PTCH1: variants seen among roughly 807,000 people sequenced by gnomAD.
PTCH1 encodes patched 1, also known as protein patched homolog 1.
In PTCH1, 14 loss-of-function variants were observed where a neutral mutation model predicts 144.6. That is an observed-to-expected ratio of 0.10 (90% CI 0.06 to 0.15). PTCH1 has a LOEUF of 0.15. PTCH1 is among the 10% of genes least tolerant of loss of function. The pLI is 1.00. For synonymous variants in PTCH1, 833 were observed against 793.6 expected, an observed-to-expected ratio of 1.05 and a Z score of -0.83; for missense variants, 1,623 against 1,948.3, an observed-to-expected ratio of 0.83 and a Z score of 3.14.
At chr9:95,501,987 T>C (rs1035811190) in intron 2 of PTCH1, among the ~76,000 whole-genome samples, 7 of 152,218 alleles carry the variant, frequency 4.6e-5, no homozygotes, top group East Asian at 1.9e-4. Context: ...GGATGGCTAG[T>C]AGGAAGAGCT....
At position 95,516,536 on chromosome 9, in the gene PTCH1, A is replaced by G; in HGVS notation, c.-65T>C. 2.0e-6 allele frequency: 3 copies of G among 1,538,376 alleles called. No individual in the cohort carries two copies. In the South Asian group the frequency reaches 3.7e-5, roughly 19 times the overall value. ...GGCGCGGACGCTGGGCTTGGATTTC[A>G]CATCAATTCCTTTTTTTTCCCTGGC... On this transcript the variant is annotated 5_prime_UTR_variant, in exon 1 of 23. Coordinates refer to the PTCH1 transcript ENST00000430669.
chr9:95,453,719 T>A, intron 19 of PTCH1, 99 bp from the exon 20 acceptor site: 3 of 1,514,068 alleles, frequency 2.0e-6, no homozygotes, highest in South Asian at 1.2e-5. Flanking sequence ...ACTGCTCACA[T>A]CTTACTGTTT....
chr9:95,471,057 T>C (rs908292711), intron 12 of PTCH1, among the ~76,000 whole-genome samples: 9 of 150,908 alleles, frequency 6.0e-5, no homozygotes, highest in Non-Finnish European at 1.3e-4. Flanking sequence ...CACTCCAGCC[T>C]GGGTGACAGA....
In PTCH1 at chr9:95,449,667, G is replaced by A. The variant is rs1838281057; in HGVS notation, c.3549+174C>T. On this transcript the variant is annotated intron_variant, in intron 21 of 23. Transcript: ENST00000331920. This position sits in a 1 kb window ranked among gnomAD's most constrained non-coding sequence, Gnocchi z 5.3. ...GATTTAGAGGAACCAAACCGAACCC[G>A]CCCTCTAGCCCTCAAAGCCAGTACA... 9.5e-6 allele frequency: 7 copies of A among 733,098 alleles called. No homozygotes were observed. The highest frequency in any genetic ancestry group is 9.3e-5 in the Admixed American group (4 of 43,048). The allele number at this position is 733,098 out of a possible 1,614,324, so 45.4% of individuals were successfully genotyped here.
rs183919191 is a variant in PTCH1 at position 95,503,405 on chromosome 9, G to A, written c.394+3002C>T. ...CTGACGTGAACACTCAGCTCACTCT[G>A]TCACAAACAAGATCTCTACACAATC... is the stretch of plus-strand genomic sequence containing the variant. On this transcript the variant is annotated intron_variant, in intron 2 of 23. Transcript: ENST00000331920. 390 of 152,048 alleles carry A rather than the reference G, an allele frequency of 2.6e-3. 1 individual carries two copies. The highest frequency in any genetic ancestry group is 8.7e-3 in the African/African-American group (363 of 41,488). The allele number at this position is 152,048 out of a possible 1,614,324, so 9.4% of individuals were successfully genotyped here.
chr9:95,513,198 A>G (rs1291528402), upstream of PTCH1, among the ~76,000 whole-genome samples: 1 of 152,218 alleles, frequency 6.6e-6, no homozygotes, highest in Non-Finnish European at 1.5e-5. Context: ...GACTTGGTGG[A>G]GTTATGAAAA....
rs974463783 is a variant in PTCH1 at position 95,449,541 on chromosome 9, G to A, written c.3550-218C>T. The A allele has an allele frequency of 1.0e-5, 7 of 673,446 alleles. No individual in the cohort carries two copies. Among genetic ancestry groups the A allele is most frequent in the Non-Finnish European group, 2.5e-6 (1 of 398,352 alleles). The allele number at this position is 673,446 out of a possible 1,614,324, so 41.7% of individuals were successfully genotyped here. A position where few individuals can be genotyped will look rare whatever the true frequency, so the allele number is the denominator to read the frequency against. On this transcript the variant is annotated intron_variant, in intron 21 of 23. Transcript: ENST00000331920. This position sits in a 1 kb window ranked among gnomAD's most constrained non-coding sequence, Gnocchi z 5.3. ...CCTCTGCTCCACACTGGAAAGGCAG[G>A]ATGTGTACTTTTTACTCTTGTGAAG...
At position 95,446,925 on chromosome 9, in the gene PTCH1, C is replaced by T. The variant is rs1347860599; in HGVS notation, c.4331G>A (p.Ser1444Asn). The T allele has an allele frequency of 6.2e-7, 1 of 1,614,064 alleles. No individual in the cohort carries two copies. The highest frequency in any genetic ancestry group is 8.5e-7 in the Non-Finnish European group (1 of 1,180,032). The stretch of plus-strand genomic sequence containing the variant: ...GTGGCACTCACCTCAGTTGGAGCTG[C>T]TTCCCCGGGGCCTCTCCTCGCATTC... ...DVECEERPRG[S>N]SSN Residue 1444 changes from serine to asparagine, a missense_variant, in exon 23 of 24, where the codon AGC (serine) becomes AAC (asparagine). Physicochemically the swap from Ser to Asn is conservative, Grantham distance 46. This residue lies in a region of PTCH1 where 291 missense variants were observed against 287.4 expected (regional missense o/e 1.01). Coordinates refer to ENST00000331920, the MANE Select transcript of PTCH1 (RefSeq NM_000264.5).
chr9:95,473,693 A>C (rs1216145644), intron 12 of PTCH1, among the ~76,000 whole-genome samples: 2 of 151,964 alleles, frequency 1.3e-5, no homozygotes, highest in Non-Finnish European at 2.9e-5. Flanking sequence ...TACAGGCGTG[A>C]GCCACCGCGC....
intron 2 of PTCH1, among the ~76,000 whole-genome samples, chr9:95,488,355 T>C (rs1842130223): frequency 6.6e-6 from 1 of 152,210 alleles, no homozygotes; most frequent in African/African-American, 2.4e-5. Context: ...ACTAAGACTA[T>C]CATGATAGGG....
chr9:95,487,448 C>G (rs534399621), intron 2 of PTCH1, among the ~76,000 whole-genome samples: 1 of 152,360 alleles, frequency 6.6e-6, no homozygotes, highest in South Asian at 2.1e-4. Context: ...CATCTACCTA[C>G]TCGGCTGGCC....
At chr9:95,511,065 G>A (rs1249362344), upstream of PTCH1, among the ~76,000 whole-genome samples, 1 of 149,884 alleles carries the variant, frequency 6.7e-6, no homozygotes, top group East Asian at 1.9e-4. Context: ...CAATGCCCGC[G>A]CCGCCTCCCC....
At chr9:95,516,457 G>A in intron 1 of PTCH1, 1 of 1,463,262 alleles carries the variant, frequency 6.8e-7, no homozygotes, top group Non-Finnish European at 9.0e-7. Flanking sequence ...CCGCCGCGCT[G>A]GCTGCACTCA....
rs1452803828 is a variant in PTCH1, at chr9:95,477,995, G to C, written c.1347+60C>G. 7 of 1,612,156 alleles carry C rather than the reference G, an allele frequency of 4.3e-6. No individual in the cohort carries two copies. The East Asian group carries it at 1.6e-4, about 36-fold the overall frequency. Reference sequence around the variant, plus strand: ...AAGAAGCAGGAGCAGTCATGGAAAAGTAAAGACTAAAACAACCAAACCAAA... The same window carrying C: ...AAGAAGCAGGAGCAGTCATGGAAAACTAAAGACTAAAACAACCAAACCAAA... On this transcript the variant is annotated intron_variant, in intron 9 of 23. Transcript: ENST00000331920.
chr9:95,487,915 T>C (rs781213023), intron 2 of PTCH1, among the ~76,000 whole-genome samples: 2 of 152,208 alleles, frequency 1.3e-5, no homozygotes, highest in Non-Finnish European at 2.9e-5. Flanking sequence ...GCCGTTATAG[T>C]GAGGAGCAGT....
In PTCH1 at chr9:95,504,380, G is replaced by A. The variant is rs117695114; in HGVS notation, c.394+2027C>T. Among the ~76,000 whole-genome samples, 1,443 of 152,316 alleles carry A rather than the reference G, an allele frequency of 9.5e-3. 23 individuals are homozygous for A. Among genetic ancestry groups the A allele is most frequent in the East Asian group, 0.024 (122 of 5,188 alleles). ...ATGGGTCGTGTTATGCAGAAAGCAA[G>A]TTATTTCCAGAAATATGCAATGTTA... On this transcript the variant is annotated intron_variant, in intron 2 of 23. Coordinates refer to ENST00000331920, the MANE Select transcript of PTCH1 (RefSeq NM_000264.5).
chr9:95,480,792 C>T (rs574094230), intron 5 of PTCH1, among the ~76,000 whole-genome samples: 76 of 152,228 alleles, frequency 5.0e-4, no homozygotes, highest in African/African-American at 1.7e-3. Context: ...ACTGAAGATG[C>T]TAAGCAGAGA....
intron 19 of PTCH1, among the ~76,000 whole-genome samples, chr9:95,454,374 A>G (rs1275881000): frequency 6.6e-6 from 1 of 152,212 alleles, no homozygotes; most frequent in Non-Finnish European, 1.5e-5. Flanking sequence ...TTATGCCGAG[A>G]GGAGAGGGCT....
rs1223725569 is a variant in PTCH1 at position 95,449,961 on chromosome 9, G to A, written c.3450-21C>T. ...AATACCTGGGAGATCAAGAGGAAAC[G>A]GGAACACGCGCTGTGACAGGGTGGA... On this transcript the variant is annotated intron_variant, in intron 20 of 23. Coordinates refer to ENST00000331920, the MANE Select transcript of PTCH1 (RefSeq NM_000264.5). The surrounding 1 kb of genome is among the most constrained non-coding windows in gnomAD (Gnocchi z 5.3). 14 of 1,601,544 alleles carry A rather than the reference G, an allele frequency of 8.7e-6. No homozygotes were observed. The highest frequency in any genetic ancestry group is 5.0e-5 in the Admixed American group (3 of 59,900).
Sources: allele counts gnomAD v4.1 joint callset (sites outside exome capture counted in the v4.1 genomes callset), GRCh38; gene constraint gnomAD v4.1.1; regional missense constraint gnomAD v4.1.1; non-coding constraint Gnocchi (gnomAD v3.1); transcripts MANE v1.5; gene names NCBI Gene and HGNC (gene_info 2026-07-23, HGNC 2026-07-21).